MUC5AC: variants seen among roughly 807,000 people sequenced by gnomAD.
The protein encoded by MUC5AC is mucin 5AC, oligomeric mucus/gel-forming, also known as mucin-5AC.
Under a neutral mutation model 169.7 loss-of-function variants are expected in MUC5AC, and 158 were observed. The ratio of observed to expected loss-of-function variants is 0.93; its 90% CI spans 0.82 to 1.06. MUC5AC has a LOEUF of 1.06. Ranked by LOEUF, MUC5AC falls within the 50% of genes least tolerant of loss-of-function variation. The pLI is 0.00. For missense variants in MUC5AC, 4,359 were observed against 3,089.9 expected (o/e 1.41, Z -9.74); for synonymous variants, 1,975 against 1,237.0 (o/e 1.60, Z -12.52).
chr11:1,159,157 C>T (rs923310159), intron 1 of MUC5AC, among the ~76,000 whole-genome samples: 8 of 152,302 alleles, frequency 5.3e-5, no homozygotes, highest in South Asian at 4.1e-4. Flanking sequence ...CGCCCACTGA[C>T]GGATTTGATG....
At position 1,188,862 on chromosome 11, in the gene MUC5AC, A is replaced by G; in HGVS notation, c.10717A>G (p.Ser3573Gly). ...EITRLQCRAKSHPEVSIEHLG... is the reference protein window; with the variant it reads ...EITRLQCRAKGHPEVSIEHLG... ...CACCAGGCTCCAGTGCCGAGCCAAG[A>G]GCCACCCGGAGGTGAGCATCGAACA... Residue 3573 changes from serine to glycine, a missense_variant, in exon 31 of 49, where the codon AGC becomes GGC. Coordinates refer to ENST00000621226, the MANE Select transcript of MUC5AC (RefSeq NM_001304359.2). The G allele has an allele frequency of 2.6e-6, 2 of 763,618 alleles. No individual in the cohort carries two copies. Among genetic ancestry groups the G allele is most frequent in the Non-Finnish European group, 4.8e-6 (2 of 417,156 alleles). 47.3% of individuals were successfully genotyped at this position (763,618 alleles called of 1,614,324 possible). A position where few individuals can be genotyped will look rare whatever the true frequency, so the allele number is the denominator to read the frequency against.
chr11:1,169,330 C>G (rs1285833168), intron 15 of MUC5AC, among the ~76,000 whole-genome samples: 1 of 152,032 alleles, frequency 6.6e-6, no homozygotes, highest in Admixed American at 6.5e-5. Flanking sequence ...TGGATTCACC[C>G]ACTCACCCAC....
At chr11:1,175,524 C>T (rs1250280041) in intron 19 of MUC5AC, among the ~76,000 whole-genome samples, 1 of 148,870 alleles carries the variant, frequency 6.7e-6, no homozygotes, top group Non-Finnish European at 1.5e-5. Flanking sequence ...CTGACACGCC[C>T]ACTCATGCAC....
chr11:1,177,415 G>T (rs1460065014), intron 23 of MUC5AC, 39 bp from the exon 24 acceptor site: 3 of 402,144 alleles, frequency 7.5e-6, no homozygotes, highest in South Asian at 1.2e-4. Context: ...GTGGGCTGGG[G>T]TTCTTGCTGG....
Position 1,187,939 on chromosome 11 carries a change from A to C in MUC5AC, c.9794A>C (p.Glu3265Ala). The C allele has an allele frequency of 2.6e-6, 2 of 755,744 alleles. No individual in the cohort carries two copies. The highest frequency in any genetic ancestry group is 4.9e-5 in the East Asian group (2 of 41,216). 46.8% of individuals were successfully genotyped at this position (755,744 alleles called of 1,614,324 possible). Residue 3265 changes from glutamate to alanine, a missense_variant, in exon 31 of 49, where the codon GAG becomes GCG. Coordinates refer to ENST00000621226, the MANE Select transcript of MUC5AC (RefSeq NM_001304359.2). ...SGEKICRRPE[E>A]ITRLQCRAES... ...GAAAAAATCTGCCGCCGACCTGAGG[A>C]GATCACCAGGCTCCAGTGCCGAGCC...
At chr11:1,170,430 CACCCATT>C (rs1860472654) in intron 15 of MUC5AC, among the ~76,000 whole-genome samples, 2 of 138,514 alleles carry the variant, frequency 1.4e-5, no homozygotes, top group Non-Finnish European at 3.2e-5. Context: ...CTCACCCATT[CACCCATT>C]CACCCACTCA....
At chr11:1,173,953 A>G (rs1860615753) in intron 16 of MUC5AC, among the ~76,000 whole-genome samples, 1 of 150,288 alleles carries the variant, frequency 6.7e-6, no homozygotes, top group Admixed American at 6.6e-5. Context: ...TCATTCCTTC[A>G]CTCACTCATT....
At position 1,200,501 on chromosome 11, in the gene MUC5AC, G is replaced by A. The variant is rs370485920; in HGVS notation, c.16764G>A (p.Ser5588=). The change falls in exon 49 of 49, where the codon TCG becomes TCA. Residue 5588 remains serine (S), a synonymous_variant. Transcript: ENST00000621226. ...RCQCCQELRT[S]LRNVTLHCTD... is the part of the protein sequence containing the mutation. ...AGTGCTGCCAGGAGCTGCGGACCTC[G>A]CTGAGGAATGTGACCCTGCACTGCA... 48 of 749,536 alleles carry A rather than the reference G, an allele frequency of 6.4e-5. No homozygotes were observed. Among genetic ancestry groups the A allele is most frequent in the African/African-American group, 1.0e-4 (6 of 58,714 alleles). 46.4% of individuals were successfully genotyped at this position (749,536 alleles called of 1,614,324 possible).
chr11:1,176,209 G>T lies in MUC5AC; in HGVS notation c.2460G>T (p.Gly820=), dbSNP rs1860684192. 1 of 398,680 alleles carries T rather than the reference G, an allele frequency of 2.5e-6. No homozygotes were observed. The highest frequency in any genetic ancestry group is 2.1e-5 in the African/African-American group (1 of 48,748). The allele number at this position is 398,680 out of a possible 1,614,324, so 24.7% of individuals were successfully genotyped here. A position where few individuals can be genotyped will look rare whatever the true frequency, so the allele number is the denominator to read the frequency against. Residue 820 remains glycine (G), a synonymous_variant, in exon 20 of 49, where the codon GGG becomes GGT. Coordinates refer to ENST00000621226, the MANE Select transcript of MUC5AC (RefSeq NM_001304359.2). ...GAAATGCCACGCCCGGGGACACAGG[G>T]GCTGGCTGTCAGAAGAGCTGCCACA... is the stretch of plus-strand genomic sequence containing the variant. ...DCRNATPGDT[G]AGCQKSCHTL... is the part of the protein sequence containing the mutation.
chr11:1,176,951 G>A lies in MUC5AC; in HGVS notation c.2678G>A (p.Arg893Gln), dbSNP rs1424584041. 9.8e-5 allele frequency: 39 copies of A among 398,936 alleles called. 1 individual carries two copies. Among genetic ancestry groups the A allele is most frequent in the Non-Finnish European group, 1.2e-4 (28 of 226,434 alleles). The allele number at this position is 398,936 out of a possible 1,614,324, so 24.7% of individuals were successfully genotyped here. Residue 893 changes from arginine (R) to glutamine (Q), a missense_variant, in exon 22 of 49, where the codon CGG becomes CAG. Transcript: ENST00000621226. ...AGCACCTGTGACAGCAGGATGTGGC[G>A]GTGCACAGATGACCCCTGCCTGGCC... is the stretch of plus-strand genomic sequence containing the variant. ...NTCTCDSRMW[R>Q]CTDDPCLATC...
intron 26 of MUC5AC, 47 bp downstream of exon 26, chr11:1,179,295 G>C: frequency 2.0e-6 from 1 of 509,404 alleles, no homozygotes; most frequent in South Asian, 2.9e-5. Context: ...CGCCGGCAGC[G>C]TGTGCCCCAC....
In MUC5AC at chr11:1,174,589, G is replaced by A. The variant is rs1043784986; in HGVS notation, c.2059G>A (p.Val687Met). The change falls in exon 17 of 49, where the codon GTG becomes ATG. Residue 687 changes from valine to methionine, a missense_variant. Val to Met is a conservative substitution (Grantham distance 21, BLOSUM62 1). Coordinates refer to ENST00000621226, the MANE Select transcript of MUC5AC (RefSeq NM_001304359.2). ...SYVHACAAKG[V>M]QLGGWRDGVC... is the part of the protein sequence containing the mutation. ...CGTGCACGCCTGTGCCGCCAAGGGC[G>A]TGCAGCTCGGCGGCTGGAGGGACGG... 5.1e-5 allele frequency: 73 copies of A among 1,444,834 alleles called. No homozygotes were observed. The highest frequency in any genetic ancestry group is 6.4e-5 in the Non-Finnish European group (68 of 1,059,492). The allele number at this position is 1,444,834 out of a possible 1,614,324, so 89.5% of individuals were successfully genotyped here. A position where few individuals can be genotyped will look rare whatever the true frequency, so the allele number is the denominator to read the frequency against.
In MUC5AC at chr11:1,186,704, C is replaced by G; in HGVS notation, c.8559C>G (p.Thr2853=). The G allele has an allele frequency of 1.4e-6, 1 of 734,620 alleles. No homozygotes were observed. Among genetic ancestry groups the G allele is most frequent in the Non-Finnish European group, 2.5e-6 (1 of 402,740 alleles). The allele number at this position is 734,620 out of a possible 1,614,324, so 45.5% of individuals were successfully genotyped here. A position where few individuals can be genotyped will look rare whatever the true frequency, so the allele number is the denominator to read the frequency against. ...CCTCTGCCCCTACAACCAGCACAAC[C>G]TCTGCCCCTACAACCAGAACAACCT... is the stretch of plus-strand genomic sequence containing the variant. The part of the protein sequence containing the change: ...STTSAPTTST[T]SAPTTRTTSV... The change falls in exon 31 of 49, where the codon ACC becomes ACG. Residue 2853 remains threonine (T), a synonymous_variant. Transcript: ENST00000621226.
chr11:1,190,064 C>T lies in MUC5AC; in HGVS notation c.11919C>T (p.His3973=), dbSNP rs1222886276. Residue 3973 remains histidine (H), a synonymous_variant, in exon 31 of 49, where the codon CAC becomes CAT. Transcript: ENST00000621226. ...TGGACTTTCCATCCCCTGGACCCCA[C>T]GGTGGGGACAAGGAAACCTACAACA... ...FDVDFPSPGP[H]GGDKETYNNI... 9,874 of 711,506 alleles carry T rather than the reference C, an allele frequency of 0.014. No individual in the cohort carries two copies. Among genetic ancestry groups the T allele is most frequent in the African/African-American group, 0.027 (1,527 of 55,960 alleles). 44.1% of individuals were successfully genotyped at this position (711,506 alleles called of 1,614,324 possible). A position where few individuals can be genotyped will look rare whatever the true frequency, so the allele number is the denominator to read the frequency against.
At position 1,200,934 on chromosome 11, in the gene MUC5AC, C is replaced by T. The variant is rs1214208963; in HGVS notation, c.*232C>T. 4.9e-6 allele frequency: 2 copies of T among 411,756 alleles called. No homozygotes were observed. Among genetic ancestry groups the T allele is most frequent in the Non-Finnish European group, 8.7e-6 (2 of 230,866 alleles). The allele number at this position is 411,756 out of a possible 1,614,324, so 25.5% of individuals were successfully genotyped here. On this transcript the variant is annotated 3_prime_UTR_variant, in exon 49 of 49. Transcript: ENST00000621226. Reference sequence around the variant, plus strand: ...TCTCAGGACCAGCCCCGGGGCTGGCCGAGCTCCTCTGGCCATGCATCCAGC... The same window carrying T: ...TCTCAGGACCAGCCCCGGGGCTGGCTGAGCTCCTCTGGCCATGCATCCAGC...
chr11:1,158,598 G>C (rs28463198), intron 1 of MUC5AC, among the ~76,000 whole-genome samples: 75,528 of 151,992 alleles, frequency 0.5, 20,810 homozygotes, highest in East Asian at 0.69. Flanking sequence ...CCCCCGCCCT[G>C]AGGCTAAGAG....
rs754883903 is a variant in MUC5AC at position 1,195,068 on chromosome 11, G to A, written c.15247G>A (p.Ala5083Thr). Residue 5083 changes from alanine (A) to threonine (T), a missense_variant, in exon 36 of 49, where the codon GCT (alanine) becomes ACT (threonine). Coordinates refer to ENST00000621226, the MANE Select transcript of MUC5AC (RefSeq NM_001304359.2). ...CCGCACGCCTAGGGGGACGGTGGTCGCTTCCTGCTCCGAGATGTCCGGCCT... is the reference window on the plus strand; with the variant it reads ...CCGCACGCCTAGGGGGACGGTGGTCACTTCCTGCTCCGAGATGTCCGGCCT... ...ECRTPRGTVV[A>T]SCSEMSGLWN... The A allele has an allele frequency of 2.1e-5, 16 of 755,830 alleles. No homozygotes were observed. Among genetic ancestry groups the A allele is most frequent in the Non-Finnish European group, 3.9e-5 (16 of 413,924 alleles). 46.8% of individuals were successfully genotyped at this position (755,830 alleles called of 1,614,324 possible).
chr11:1,168,454 C>T (rs546742356), intron 12 of MUC5AC, 29 bp from the exon 13 acceptor site: 55 of 1,608,050 alleles, frequency 3.4e-5, no homozygotes, highest in South Asian at 2.4e-4. Flanking sequence ...GCCTGCCCCG[C>T]GCTCACACAT....
In MUC5AC at chr11:1,186,816, A is replaced by G; in HGVS notation, c.8671A>G (p.Ser2891Gly). The G allele has an allele frequency of 2.7e-6, 2 of 742,540 alleles. No homozygotes were observed. Among genetic ancestry groups the G allele is most frequent in the Admixed American group, 3.6e-5 (2 of 55,808 alleles). The allele number at this position is 742,540 out of a possible 1,614,324, so 46.0% of individuals were successfully genotyped here. A position where few individuals can be genotyped will look rare whatever the true frequency, so the allele number is the denominator to read the frequency against. Residue 2891 changes from serine (S) to glycine (G), a missense_variant, in exon 31 of 49, where the codon AGT (serine) becomes GGT (glycine). Coordinates refer to ENST00000621226, the MANE Select transcript of MUC5AC (RefSeq NM_001304359.2). The part of the protein sequence containing the change: ...GTTPSPVPTT[S>G]TTSAPTTRTT... The stretch of plus-strand genomic sequence containing the variant: ...TACTCCCAGCCCTGTTCCCACCACC[A>G]GTACAACCTCTGCTCCTACAACCAG...
Sources: gnomAD v4.1 joint callset for allele counts (sites outside exome capture counted in the v4.1 genomes callset) on GRCh38, gnomAD v4.1.1 for gene constraint, MANE v1.5 for transcripts, NCBI Gene and HGNC (gene_info 2026-07-23, HGNC 2026-07-21) for gene names.